Variants in TRIP12 observed in about 807,000 individuals in gnomAD.
TRIP12 encodes thyroid hormone receptor interactor 12.
A neutral mutation model predicts 244.2 loss-of-function variants in TRIP12; 25 were observed. The ratio of observed to expected loss-of-function variants is 0.10; its 90% CI spans 0.07 to 0.14. The LOEUF (loss-of-function observed/expected upper bound fraction) is 0.14, where lower values mean the gene tolerates loss of function less well. Ranked by LOEUF, TRIP12 falls within the 10% of genes least tolerant of loss-of-function variation. TRIP12 has a pLI of 1.00. For missense variants in TRIP12, 1,677 were observed against 2,486.4 expected, an observed-to-expected ratio of 0.67 and a Z score of 6.92; for synonymous variants, 905 against 873.1, an observed-to-expected ratio of 1.04 and a Z score of -0.64.
chr2:229,860,440 T>C lies in TRIP12; in HGVS notation c.190A>G (p.Thr64Ala), dbSNP rs773405690. ...SKAPKVQSNT[T>A]SELSRGHLSK... ...AGGTGTCCCCTTGACAGTTCAGAAG[T>C]AGTATTAGACTGCACTTTGGGTGCC... Residue 64 changes from threonine (T) to alanine (A), a missense_variant, in exon 3 of 42, where the codon ACT becomes GCT. Around this residue, in one of 11 missense-constraint regions of TRIP12, gnomAD observed 387 missense variants for 392.6 expected, o/e 0.99. Coordinates refer to ENST00000675903, the MANE Select transcript of TRIP12 (RefSeq NM_001348323.3). 2 of 1,610,806 alleles carry C rather than the reference T, an allele frequency of 1.2e-6. No homozygotes were observed. The highest frequency in any genetic ancestry group is 1.7e-6 in the Non-Finnish European group (2 of 1,178,624).
Position 229,808,387 on chromosome 2 carries a change from A to G in TRIP12, c.2222-18T>C. 6.4e-7 allele frequency: 1 copy of G among 1,571,378 alleles called. No individual in the cohort carries two copies. The highest frequency in any genetic ancestry group is 1.3e-5 in the African/African-American group (1 of 74,178). On this transcript the variant is annotated intron_variant, in intron 15 of 41. Coordinates refer to ENST00000675903, the MANE Select transcript of TRIP12 (RefSeq NM_001348323.3). ...TGCAATGTCTGTAAAAACCAACAAC[A>G]AAAAACAAAAGGCTATTAAACTAGT... is the stretch of plus-strand genomic sequence containing the variant.
intron 2 of TRIP12, among the ~76,000 whole-genome samples, chr2:229,874,255 T>C (rs2063206084): frequency 6.6e-6 from 1 of 152,142 alleles, no homozygotes; most frequent in African/African-American, 2.4e-5. Context: ...GGAATTCTTT[T>C]TCCCCACAAA....
chr2:229,837,676 G>A (rs896094256), intron 5 of TRIP12, among the ~76,000 whole-genome samples: 5 of 152,060 alleles, frequency 3.3e-5, no homozygotes, highest in Non-Finnish European at 5.9e-5. Context: ...GCGAGGAAGG[G>A]AGGAGGAGGA....
intron 1 of TRIP12, among the ~76,000 whole-genome samples, chr2:229,920,909 TG>T (rs1393686873): frequency 6.6e-6 from 1 of 152,200 alleles, no homozygotes; most frequent in African/African-American, 2.4e-5. Context: ...GGAGAGGGGC[TG>T]AACTGATGGA....
intron 21 of TRIP12, among the ~76,000 whole-genome samples, chr2:229,801,655 G>A (rs1484987593): frequency 3.9e-5 from 6 of 152,066 alleles, no homozygotes; most frequent in Non-Finnish European, 8.8e-5. Context: ...GGAAACCAAT[G>A]GAAGTTTTGG....
intron 20 of TRIP12, among the ~76,000 whole-genome samples, chr2:229,803,002 GGA>G (rs767200150): frequency 5.9e-5 from 9 of 152,334 alleles, no homozygotes; most frequent in Non-Finnish European, 1.2e-4. Flanking sequence ...CGGAATCATA[GGA>G]GAGTATGTAT....
At chr2:229,783,186 T>A (rs1015890062) in intron 34 of TRIP12, among the ~76,000 whole-genome samples, 22 of 152,350 alleles carry the variant, frequency 1.4e-4, no homozygotes, top group South Asian at 2.1e-4. Flanking sequence ...TTAAAAATAA[T>A]TTGAATAGTA....
rs1043359978 is a variant in TRIP12 at position 229,888,659 on chromosome 2, C to T, written c.-49-8531G>A. 5.3e-5 allele frequency among the ~76,000 whole-genome samples: 8 copies of T among 152,150 alleles called. No homozygotes were observed. In the South Asian group the frequency reaches 1.0e-3, roughly 20 times the overall value. On this transcript the variant is annotated intron_variant, in intron 1 of 41. Coordinates refer to ENST00000675903, the MANE Select transcript of TRIP12 (RefSeq NM_001348323.3). ...TCTCTACACAAAATACAAAAATTAG[C>T]GAGGGCGTGGTAGCGCGCCTGTAGT... is the stretch of plus-strand genomic sequence containing the variant.
chr2:229,907,792 C>A (rs918537778), intron 1 of TRIP12, among the ~76,000 whole-genome samples: 5 of 121,526 alleles, frequency 4.1e-5, no homozygotes, highest in Admixed American at 2.5e-4. Flanking sequence ...AACAGAGAGA[C>A]CTTATCTCTA....
intron 33 of TRIP12, among the ~76,000 whole-genome samples, chr2:229,786,348 G>A (rs1236947573): frequency 6.6e-6 from 1 of 150,708 alleles, no homozygotes; most frequent in African/African-American, 2.4e-5. Flanking sequence ...TCTAATTTAT[G>A]CCAATATCAG....
intron 1 of TRIP12, among the ~76,000 whole-genome samples, chr2:229,892,871 A>G (rs1340506495): frequency 6.6e-6 from 1 of 152,152 alleles, no homozygotes; most frequent in Non-Finnish European, 1.5e-5. Flanking sequence ...GCCTCGAAAA[A>G]ATAAAAATAA....
At chr2:229,811,938 A>G (rs2047343308) in intron 13 of TRIP12, among the ~76,000 whole-genome samples, 1 of 152,218 alleles carries the variant, frequency 6.6e-6, no homozygotes, top group South Asian at 2.1e-4. Context: ...ACACTACATA[A>G]ATCAAGAAAG....
At position 229,859,219 on chromosome 2, in the gene TRIP12, T is replaced by C; in HGVS notation, c.580A>G (p.Thr194Ala). Reference protein sequence around the residue: ...GGSRSQKRKRTESSCVKSGSG... With the variant: ...GGSRSQKRKRAESSCVKSGSG... ...CCACTCTTTACACAAGAACTCTCTG[T>C]CCTTTTTCTTTTCTGACTCCGTGAA... Residue 194 changes from threonine (T) to alanine (A), a missense_variant, in exon 4 of 42, where the codon ACA becomes GCA. Thr to Ala is a moderately conservative substitution (Grantham distance 58). Transcript: ENST00000675903. The C allele has an allele frequency of 6.2e-7, 1 of 1,614,180 alleles. No individual in the cohort carries two copies. The highest frequency in any genetic ancestry group is 8.5e-7 in the Non-Finnish European group (1 of 1,180,038).
At chr2:229,874,482 A>G (rs772822778) in intron 2 of TRIP12, among the ~76,000 whole-genome samples, 11 of 152,204 alleles carry the variant, frequency 7.2e-5, no homozygotes, top group Non-Finnish European at 1.3e-4. Context: ...TATTTTTTAC[A>G]GCAAAAATCT....
chr2:229,793,391 C>T (rs1422089100), intron 26 of TRIP12: 2 of 282,146 alleles, frequency 7.1e-6, no homozygotes, highest in Non-Finnish European at 1.3e-5. Context: ...TATTTGATCT[C>T]TGTCCCATCA....
At chr2:229,886,734 T>C (rs2066108053) in intron 1 of TRIP12, among the ~76,000 whole-genome samples, 1 of 152,238 alleles carries the variant, frequency 6.6e-6, no homozygotes, top group Non-Finnish European at 1.5e-5. Flanking sequence ...CCCAAAGTGC[T>C]GGGATTACAG....
At chr2:229,861,478 A>G (rs2060476957) in intron 2 of TRIP12, among the ~76,000 whole-genome samples, 1 of 152,232 alleles carries the variant, frequency 6.6e-6, no homozygotes, top group Admixed American at 6.5e-5. Context: ...ATAAGAGCAT[A>G]TACCAATGAA....
intron 1 of TRIP12, among the ~76,000 whole-genome samples, chr2:229,883,871 G>A (rs1204393019): frequency 2.6e-5 from 4 of 151,984 alleles, no homozygotes; most frequent in Admixed American, 2.0e-4. Context: ...AAAAACAATC[G>A]GCTGGGCGCG....
chr2:229,808,393 C>A, intron 15 of TRIP12, 24 bp from the exon 16 acceptor site: 1 of 1,544,546 alleles, frequency 6.5e-7, no homozygotes, highest in South Asian at 1.1e-5. Context: ...CAACAAAAAA[C>A]AAAAGGCTAT....
Sources: allele counts gnomAD v4.1 joint callset (sites outside exome capture counted in the v4.1 genomes callset), GRCh38; gene constraint gnomAD v4.1.1; regional missense constraint gnomAD v4.1.1; transcripts MANE v1.5; gene names NCBI Gene and HGNC (gene_info 2026-07-23, HGNC 2026-07-21).